The following YES1 variants were observed in gnomAD, a reference collection of about 807,000 sequenced individuals.
YES1 encodes tyrosine-protein kinase Yes.
In YES1, 39 loss-of-function variants were observed where a neutral mutation model predicts 70.4. The ratio of observed to expected loss-of-function variants is 0.55; its 90% CI spans 0.43 to 0.72. The LOEUF (loss-of-function observed/expected upper bound fraction) is 0.72, where lower values mean the gene tolerates loss of function less well. YES1 is among the 30% of genes least tolerant of loss of function. YES1 has a pLI of 0.00. For missense variants in YES1, 495 were observed against 644.8 expected (o/e 0.77, Z 2.52); for synonymous variants, 198 against 218.6 (o/e 0.91, Z 0.83).
chr18:745,499 T>C (rs2080268248), intron 6 of YES1, among the ~76,000 whole-genome samples: 1 of 152,180 alleles, frequency 6.6e-6, no homozygotes, highest in Non-Finnish European at 1.5e-5. Flanking sequence ...AGGACCCAAA[T>C]GATGAGAGTC....
At chr18:769,067 T>A (rs1344616661) in intron 1 of YES1, among the ~76,000 whole-genome samples, 1 of 152,164 alleles carries the variant, frequency 6.6e-6, no homozygotes, top group Non-Finnish European at 1.5e-5. Context: ...TTCAGTATAG[T>A]GACATGTTTG....
At chr18:795,090 A>T (rs1906471125) in intron 1 of YES1, among the ~76,000 whole-genome samples, 1 of 152,132 alleles carries the variant, frequency 6.6e-6, no homozygotes, top group Admixed American at 6.6e-5. Context: ...GCTATTTCCA[A>T]ATAAGGCCAC....
At chr18:786,841 A>G (rs962727205) in intron 1 of YES1, among the ~76,000 whole-genome samples, 1 of 152,102 alleles carries the variant, frequency 6.6e-6, no homozygotes, top group Non-Finnish European at 1.5e-5. Flanking sequence ...ATTTTAATAT[A>G]TATACGGCAT....
intron 1 of YES1, among the ~76,000 whole-genome samples, chr18:786,630 G>A (rs1328872981): frequency 6.6e-6 from 1 of 151,460 alleles, no homozygotes; most frequent in Non-Finnish European, 1.5e-5. Context: ...AATAACAATT[G>A]ATAATATCAA....
At position 771,298 on chromosome 18, in the gene YES1, C is replaced by T. The variant is rs554940836; in HGVS notation, c.-8-14463G>A. ...ATGAGACTCATTTGAACCTAGGAGGCGGAGGTTGCAGTGAGCCAAGATTGC... is the reference window on the plus strand; with the variant it reads ...ATGAGACTCATTTGAACCTAGGAGGTGGAGGTTGCAGTGAGCCAAGATTGC... On this transcript the variant is annotated intron_variant, in intron 1 of 11. Coordinates refer to ENST00000314574, the MANE Select transcript of YES1 (RefSeq NM_005433.4). Among the ~76,000 whole-genome samples, 75 of 151,584 alleles carry T rather than the reference C, an allele frequency of 4.9e-4. 1 individual carries two copies. Among genetic ancestry groups the T allele is most frequent in the African/African-American group, 1.5e-3 (63 of 41,266 alleles).
chr18:780,018 G>A (rs934079977), intron 1 of YES1, among the ~76,000 whole-genome samples: 1 of 151,706 alleles, frequency 6.6e-6, no homozygotes, highest in African/African-American at 2.4e-5. Flanking sequence ...TAGATTACCT[G>A]AGGTCAGGAG....
chr18:803,953 G>A (rs182286399), intron 1 of YES1, among the ~76,000 whole-genome samples: 70 of 152,268 alleles, frequency 4.6e-4, no homozygotes, highest in African/African-American at 1.4e-3. Context: ...TTACAGAAAA[G>A]ACTTCCTGGA....
At chr18:754,550 C>A (rs2080381767) in intron 2 of YES1, among the ~76,000 whole-genome samples, 1 of 151,504 alleles carries the variant, frequency 6.6e-6, no homozygotes, top group African/African-American at 2.4e-5. Flanking sequence ...TACTAAAGTA[C>A]AAAAAAAATT....
At position 742,186 on chromosome 18, in the gene YES1, A is replaced by G. The variant is rs1302085976; in HGVS notation, c.1060+732T>C. On this transcript the variant is annotated intron_variant, in intron 8 of 11. Transcript: ENST00000314574. The stretch of plus-strand genomic sequence containing the variant: ...CTGTCAGCTTATCTGCTGACTTACT[A>G]GTTCCTCTAAGTACCATCTGCACAG... Among the ~76,000 whole-genome samples, 5 of 152,208 alleles carry G rather than the reference A, an allele frequency of 3.3e-5. 1 individual carries two copies. Among genetic ancestry groups the G allele is most frequent in the African/African-American group, 4.8e-5 (2 of 41,446 alleles).
At chr18:810,364 C>T (rs1907311710) in intron 1 of YES1, among the ~76,000 whole-genome samples, 1 of 152,152 alleles carries the variant, frequency 6.6e-6, no homozygotes, top group Non-Finnish European at 1.5e-5. Context: ...CTAAAACACA[C>T]ACACAAAAAC....
intron 1 of YES1, among the ~76,000 whole-genome samples, chr18:790,022 C>T (rs1362084412): frequency 6.6e-6 from 1 of 151,692 alleles, no homozygotes; most frequent in Non-Finnish European, 1.5e-5. Context: ...TGTGCCATTG[C>T]ACCAGGCTGG....
rs1044992571 is a variant in YES1 at position 762,632 on chromosome 18, T to TA, written c.-8-5798dup. On this transcript the variant is annotated intron_variant, in intron 1 of 11. Transcript: ENST00000314574. The stretch of plus-strand genomic sequence containing the variant: ...TCATTAATAACATACATTATGGGAT[T>TA]AAAAAAAACTATATACTGGGTACAA... Among the ~76,000 whole-genome samples the TA allele has an allele frequency of 1.4e-4, 21 of 152,072 alleles. 1 individual carries two copies. Among genetic ancestry groups the TA allele is most frequent in the South Asian group, 1.0e-3 (5 of 4,810 alleles).
At chr18:810,642 T>G (rs529178188) in intron 1 of YES1, among the ~76,000 whole-genome samples, 2 of 152,324 alleles carry the variant, frequency 1.3e-5, no homozygotes, top group Admixed American at 6.5e-5. Flanking sequence ...AATTGTCTTT[T>G]TCAAATGTAG....
Position 724,319 on chromosome 18 carries a change from A to G in YES1, c.*105T>C, listed in dbSNP as rs1283430714. 2.6e-6 allele frequency: 3 copies of G among 1,142,758 alleles called. No homozygotes were observed. Among genetic ancestry groups the G allele is most frequent in the Non-Finnish European group, 3.7e-6 (3 of 814,332 alleles). 70.8% of individuals were successfully genotyped at this position (1,142,758 alleles called of 1,614,324 possible). A position where few individuals can be genotyped will look rare whatever the true frequency, so the allele number is the denominator to read the frequency against. On this transcript the variant is annotated 3_prime_UTR_variant, in exon 12 of 12. Coordinates refer to ENST00000314574, the MANE Select transcript of YES1 (RefSeq NM_005433.4). ...ATCTGGGATTCCAGTTTACCATTAA[A>G]AACATGCAGAGTAAAGAAGATTTTC...
chr18:762,380 T>G (rs184039626), intron 1 of YES1, among the ~76,000 whole-genome samples: 2 of 152,296 alleles, frequency 1.3e-5, no homozygotes, highest in East Asian at 3.9e-4. Flanking sequence ...ACCTACCTGT[T>G]GGATATTACA....
intron 1 of YES1, among the ~76,000 whole-genome samples, chr18:759,927 T>C (rs1476855248): frequency 6.7e-6 from 1 of 149,028 alleles, no homozygotes; most frequent in Non-Finnish European, 1.5e-5. Context: ...TTCTCATTGT[T>C]CAATTCCCAC....
At chr18:790,904 C>T (rs994975098) in intron 1 of YES1, among the ~76,000 whole-genome samples, 4 of 152,084 alleles carry the variant, frequency 2.6e-5, no homozygotes, top group African/African-American at 4.8e-5. Context: ...CAACTGTTAC[C>T]GAGGTTTCTC....
Position 756,650 on chromosome 18 carries a change from T to C in YES1, c.178A>G (p.Thr60Ala). ...ACCCCTGAGGATCCTCCAAATGGTG[T>C]CATGGAAAGACTGCTGAAATTAACT... is the stretch of plus-strand genomic sequence containing the variant. Reference protein sequence around the residue: ...TAVNFSSLSMTPFGGSSGVTP... With the variant: ...TAVNFSSLSMAPFGGSSGVTP... The change falls in exon 2 of 12, where the codon ACA becomes GCA. Residue 60 changes from threonine (T) to alanine (A), a missense_variant. By Grantham distance (58) the Thr-to-Ala change is moderately conservative. Coordinates refer to ENST00000314574, the MANE Select transcript of YES1 (RefSeq NM_005433.4). 2 of 1,614,176 alleles carry C rather than the reference T, an allele frequency of 1.2e-6. No individual in the cohort carries two copies. The highest frequency in any genetic ancestry group is 1.1e-5 in the South Asian group (1 of 91,084).
intron 11 of YES1, among the ~76,000 whole-genome samples, chr18:728,830 CG>C (rs1221537463): frequency 2.6e-5 from 4 of 152,098 alleles, no homozygotes; most frequent in Non-Finnish European, 4.4e-5. Context: ...AGCTGCATTT[CG>C]GATTTTTGAA....
Sources: gnomAD v4.1 joint callset for allele counts (sites outside exome capture counted in the v4.1 genomes callset) on GRCh38, gnomAD v4.1.1 for gene constraint, MANE v1.5 for transcripts, NCBI Gene and HGNC (gene_info 2026-07-23, HGNC 2026-07-21) for gene names.